NMT2: variants seen among roughly 807,000 people sequenced by gnomAD.
NMT2 encodes N-myristoyltransferase 2.
A neutral mutation model predicts 65.4 loss-of-function variants in NMT2; 35 were observed. That is an observed-to-expected ratio of 0.54 (90% CI 0.41 to 0.71). The LOEUF (loss-of-function observed/expected upper bound fraction) is 0.71. Among genes scored for constraint, NMT2 ranks in the 30% least tolerant of loss-of-function variants. The pLI, the probability that NMT2 is intolerant of heterozygous loss-of-function variation, is 0.00. For missense variants in NMT2, 489 were observed against 611.3 expected (o/e 0.80, Z 2.11); for synonymous variants, 226 against 231.8 (o/e 0.98, Z 0.23).
chr10:15,148,329 C>T (rs1214150781), intron 1 of NMT2, among the ~76,000 whole-genome samples: 1 of 152,084 alleles, frequency 6.6e-6, no homozygotes, highest in African/African-American at 2.4e-5. Flanking sequence ...GAGCAACATA[C>T]CAAAACCTAG....
At chr10:15,131,504 C>T (rs1247226041) in intron 6 of NMT2, among the ~76,000 whole-genome samples, 4 of 151,980 alleles carry the variant, frequency 2.6e-5, no homozygotes, top group Non-Finnish European at 5.9e-5. Flanking sequence ...CTGAGTCATC[C>T]TGGTGCAGAA....
rs746976851 is a variant in NMT2, at chr10:15,168,689, G to C, written c.-77C>G. The C allele has an allele frequency of 2.9e-4, 326 of 1,111,550 alleles. No homozygotes were observed. The highest frequency in any genetic ancestry group is 3.5e-4 in the Non-Finnish European group (280 of 799,204). The allele number at this position is 1,111,550 out of a possible 1,614,324, so 68.9% of individuals were successfully genotyped here. ...GCAGCTCCCTCTAGTGCCTCCCGCC[G>C]TACTGCTTGGAGTCGGAGCCCGGGC... On this transcript the variant is annotated 5_prime_UTR_variant, in exon 1 of 12. Transcript: ENST00000378165.
At chr10:15,166,808 A>G (rs943739798) in intron 1 of NMT2, among the ~76,000 whole-genome samples, 1 of 152,190 alleles carries the variant, frequency 6.6e-6, no homozygotes, top group African/African-American at 2.4e-5. Context: ...TGGGAACTTT[A>G]GCTTCTTGAA....
chr10:15,107,299 T>G lies in NMT2; in HGVS notation c.*1896A>C. 1.1e-6 allele frequency: 1 copy of G among 944,406 alleles called. No individual in the cohort carries two copies. Among genetic ancestry groups the G allele is most frequent in the Non-Finnish European group, 1.3e-6 (1 of 792,510 alleles). 58.5% of individuals were successfully genotyped at this position (944,406 alleles called of 1,614,324 possible). A position where few individuals can be genotyped will look rare whatever the true frequency, so the allele number is the denominator to read the frequency against. On this transcript the variant is annotated 3_prime_UTR_variant, in exon 12 of 12. Transcript: ENST00000378165. The stretch of plus-strand genomic sequence containing the variant: ...CACAAAAATAAGCAATGGGCTGGAT[T>G]TAGCCCACAGGCCATAGTTTGGTGG...
At chr10:15,141,305 T>C in intron 2 of NMT2, 117 bp downstream of exon 2, 6 of 1,320,288 alleles carry the variant, frequency 4.5e-6, no homozygotes, top group Non-Finnish European at 6.3e-6. Flanking sequence ...ACTAGTGGCA[T>C]TCAACACACA....
At chr10:15,153,719 G>A (rs1055853183) in intron 1 of NMT2, among the ~76,000 whole-genome samples, 3 of 151,616 alleles carry the variant, frequency 2.0e-5, no homozygotes, top group African/African-American at 4.8e-5. Context: ...GGCCAATCTC[G>A]GCTCACTGCA....
At chr10:15,130,703 C>CAAAAAAAAAAAAAAAAAAAAAAAA (rs974360507) in intron 6 of NMT2, among the ~76,000 whole-genome samples, 9 of 28,600 alleles carry the variant, frequency 3.1e-4, no homozygotes, top group East Asian at 1.4e-3. Context: ...GGCCCTGTCT[C>CAAAAAAAAAAAAAAAAAAAAAAAA]AAAAAAAAAA....
intron 1 of NMT2, among the ~76,000 whole-genome samples, chr10:15,162,770 T>C (rs1412826058): frequency 6.7e-6 from 1 of 148,400 alleles, no homozygotes; most frequent in Non-Finnish European, 1.5e-5. Flanking sequence ...ATTTTATTTA[T>C]ATATATATTT....
At chr10:15,125,658 G>GTATTTAGTTATT (rs887322471) in intron 8 of NMT2, among the ~76,000 whole-genome samples, 2 of 152,104 alleles carry the variant, frequency 1.3e-5, no homozygotes, top group Admixed American at 1.3e-4. Context: ...ATGTACGTAT[G>GTATTTAGTTATT]TATTTAGTTA....
At chr10:15,130,057 G>T in intron 7 of NMT2, 85 bp downstream of exon 7, 2 of 1,097,240 alleles carry the variant, frequency 1.8e-6, no homozygotes, top group Non-Finnish European at 2.4e-6. Flanking sequence ...TCTGCTACCA[G>T]CAAAAACTAC....
intron 1 of NMT2, among the ~76,000 whole-genome samples, chr10:15,153,598 C>A (rs559234521): frequency 1.3e-5 from 2 of 152,148 alleles, no homozygotes; most frequent in African/African-American, 4.8e-5. Context: ...AATGAAAACA[C>A]GAAAATGTCT....
At chr10:15,148,760 T>C (rs1032882799) in intron 1 of NMT2, among the ~76,000 whole-genome samples, 2 of 151,878 alleles carry the variant, frequency 1.3e-5, no homozygotes, top group Non-Finnish European at 2.9e-5. Context: ...GTCTGACATA[T>C]AAAAGATCCT....
chr10:15,136,899 A>G (rs1846531683), intron 2 of NMT2, among the ~76,000 whole-genome samples: 1 of 151,900 alleles, frequency 6.6e-6, no homozygotes, highest in Non-Finnish European at 1.5e-5. Flanking sequence ...AAATGAGAAG[A>G]CAGCGCAGAG....
At chr10:15,146,194 C>T (rs994080584) in intron 1 of NMT2, among the ~76,000 whole-genome samples, 4 of 152,204 alleles carry the variant, frequency 2.6e-5, no homozygotes, top group African/African-American at 9.6e-5. Flanking sequence ...CTTCAGCTTC[C>T]ATCCAGAGAG....
chr10:15,129,301 T>C lies in NMT2; in HGVS notation c.890+841A>G, dbSNP rs185915160. On this transcript the variant is annotated intron_variant, in intron 7 of 11. Coordinates refer to ENST00000378165, the MANE Select transcript of NMT2 (RefSeq NM_004808.3). ...ATAATTTAACAGGATATAGTAATTT[T>C]AAGTTTCATCCTATTTGAGTCAATA... is the stretch of plus-strand genomic sequence containing the variant. Among the ~76,000 whole-genome samples, 14 of 152,286 alleles carry C rather than the reference T, an allele frequency of 9.2e-5. 1 individual carries two copies. Among genetic ancestry groups the C allele is most frequent in the Admixed American group, 9.2e-4 (14 of 15,284 alleles).
intron 2 of NMT2, among the ~76,000 whole-genome samples, chr10:15,135,675 G>C (rs1846457348): frequency 6.6e-6 from 1 of 152,146 alleles, no homozygotes; most frequent in African/African-American, 2.4e-5. Flanking sequence ...CTTTGCTTCA[G>C]TTTCCCATCC....
At chr10:15,164,733 G>C (rs1381453584) in intron 1 of NMT2, among the ~76,000 whole-genome samples, 1 of 152,182 alleles carries the variant, frequency 6.6e-6, no homozygotes, top group Non-Finnish European at 1.5e-5. Context: ...AACGGTGAAA[G>C]CTCCTAGGAA....
At chr10:15,126,873 A>G (rs758641965) in intron 8 of NMT2, among the ~76,000 whole-genome samples, 2 of 152,248 alleles carry the variant, frequency 1.3e-5, no homozygotes, top group Non-Finnish European at 2.9e-5. Flanking sequence ...GGCCATAGAT[A>G]ACTAATATAG....
At chr10:15,162,313 A>G (rs958961789) in intron 1 of NMT2, among the ~76,000 whole-genome samples, 14 of 152,046 alleles carry the variant, frequency 9.2e-5, no homozygotes, top group Non-Finnish European at 1.8e-4. Context: ...AATGAAAACT[A>G]GACATATTCT....
Sources: allele counts gnomAD v4.1 joint callset (sites outside exome capture counted in the v4.1 genomes callset), GRCh38; gene constraint gnomAD v4.1.1; transcripts MANE v1.5; gene names NCBI Gene and HGNC (gene_info 2026-07-23, HGNC 2026-07-21).